Variants in SPAG16 observed in about 807,000 individuals in gnomAD.
SPAG16 encodes the protein sperm-associated antigen 16 protein.
In SPAG16, 86 loss-of-function variants were observed where a neutral mutation model predicts 80.4. The observed-to-expected ratio is 1.07, with a 90% confidence interval of 0.90 to 1.28. The LOEUF is 1.28. Among genes scored for constraint, SPAG16 ranks in the 50% most tolerant of loss-of-function variants. SPAG16 has a pLI of 0.00. For synonymous variants in SPAG16, 294 were observed against 265.9 expected (o/e 1.11, Z -1.03); for missense variants, 870 against 765.3 (o/e 1.14, Z -1.61).
chr2:214,298,178 A>G (rs1413108576), intron 15 of SPAG16, among the ~76,000 whole-genome samples: 1 of 150,102 alleles, frequency 6.7e-6, no homozygotes, highest in Non-Finnish European at 1.5e-5. Context: ...ACACACACAT[A>G]TATATATATT....
chr2:214,364,156 A>G (rs1699339431), intron 15 of SPAG16, among the ~76,000 whole-genome samples: 1 of 152,114 alleles, frequency 6.6e-6, no homozygotes, highest in Non-Finnish European at 1.5e-5. Flanking sequence ...TTCTATTACA[A>G]CATGACTTGT....
intron 15 of SPAG16, among the ~76,000 whole-genome samples, chr2:214,310,568 T>C (rs2125977533): frequency 1.3e-5 from 2 of 152,272 alleles, no homozygotes; most frequent in East Asian, 3.9e-4. Flanking sequence ...AGATGATGTG[T>C]GGAAGCACCT....
In SPAG16 at chr2:213,709,766, G is replaced by C. The variant is rs555661809; in HGVS notation, c.1071-152719G>C. Among the ~76,000 whole-genome samples the C allele has an allele frequency of 4.6e-5, 7 of 152,210 alleles. No homozygotes were observed. The East Asian group carries it at 1.4e-3, about 29-fold the overall frequency. On this transcript the variant is annotated intron_variant, in intron 10 of 15. Coordinates refer to ENST00000331683, the MANE Select transcript of SPAG16 (RefSeq NM_024532.5). ...CAGTCCCTCTTAAAGAGATAGAGTG[G>C]TGACACACACTTCCTTCAAAGGCTG...
chr2:214,407,602 A>G (rs1186106750), intron 15 of SPAG16, among the ~76,000 whole-genome samples: 1 of 152,138 alleles, frequency 6.6e-6, no homozygotes, highest in East Asian at 1.9e-4. Flanking sequence ...GCCAATCACC[A>G]GGAGATTTAA....
rs115687795 is a variant in SPAG16, at chr2:213,300,926, C to A, written c.279+3569C>A. Reference sequence around the variant, plus strand: ...TGTTAAGAATTAATATAAAAAAGTTCTCTTGCTATTATGTTAATATACCAA... The same window carrying A: ...TGTTAAGAATTAATATAAAAAAGTTATCTTGCTATTATGTTAATATACCAA... On this transcript the variant is annotated intron_variant, in intron 3 of 15. Coordinates refer to ENST00000331683, the MANE Select transcript of SPAG16 (RefSeq NM_024532.5). 5.6e-3 allele frequency among the ~76,000 whole-genome samples: 853 copies of A among 152,054 alleles called. 4 individuals carry two copies. Among genetic ancestry groups the A allele is most frequent in the Non-Finnish European group, 9.7e-3 (660 of 67,934 alleles).
chr2:213,838,367 T>G (rs1179768510), intron 10 of SPAG16, among the ~76,000 whole-genome samples: 1 of 152,148 alleles, frequency 6.6e-6, no homozygotes, highest in Non-Finnish European at 1.5e-5. Context: ...GAGACAGGGT[T>G]TCACCATGTT....
chr2:214,163,627 C>CAT (rs745565184), intron 15 of SPAG16, among the ~76,000 whole-genome samples: 1,331 of 109,500 alleles, frequency 0.012, 11 homozygotes, highest in Admixed American at 0.018. Flanking sequence ...CACATATATA[C>CAT]ATATATATAT....
chr2:214,257,404 T>C (rs1038173960), intron 15 of SPAG16, among the ~76,000 whole-genome samples: 7 of 152,010 alleles, frequency 4.6e-5, no homozygotes, highest in Non-Finnish European at 7.4e-5. Flanking sequence ...AGACCTCCAG[T>C]AAAATGTTGA....
chr2:214,090,453 G>A (rs1311339884), intron 13 of SPAG16, among the ~76,000 whole-genome samples: 1 of 151,730 alleles, frequency 6.6e-6, no homozygotes, highest in Admixed American at 6.6e-5. Context: ...TTCACTGTAT[G>A]TCATTAATAC....
intron 5 of SPAG16, among the ~76,000 whole-genome samples, chr2:213,326,184 A>G (rs1350747482): frequency 2.0e-5 from 3 of 152,166 alleles, no homozygotes; most frequent in East Asian, 1.9e-4. Flanking sequence ...CTGCCATTTA[A>G]AAAATAATGA....
chr2:213,408,235 G>A (rs2125380539), intron 9 of SPAG16, among the ~76,000 whole-genome samples: 1 of 152,308 alleles, frequency 6.6e-6, no homozygotes, highest in East Asian at 1.9e-4. Flanking sequence ...ATACCACCTT[G>A]TTGTAAGTGT....
chr2:213,667,180 G>A (rs2063639207), intron 10 of SPAG16, among the ~76,000 whole-genome samples: 1 of 152,184 alleles, frequency 6.6e-6, no homozygotes, highest in South Asian at 2.1e-4. Context: ...AATATTGTTT[G>A]TATCAGTCAC....
At chr2:213,862,264 C>G (rs150289781) in intron 10 of SPAG16, among the ~76,000 whole-genome samples, 1 of 152,036 alleles carries the variant, frequency 6.6e-6, no homozygotes, top group Non-Finnish European at 1.5e-5. Flanking sequence ...ATGAGGAATC[C>G]GAGATCCAGT....
chr2:214,265,394 G>T (rs1224775816), intron 15 of SPAG16, among the ~76,000 whole-genome samples: 1 of 152,044 alleles, frequency 6.6e-6, no homozygotes, highest in Admixed American at 6.6e-5. Flanking sequence ...TTTGCCATCT[G>T]TGTATCTTCT....
chr2:214,162,077 A>G lies in SPAG16; in HGVS notation c.1720+12811A>G, dbSNP rs185531053. ...AGTGTTATCAGTCCATTTTTCCTGC[A>G]ATAACAAAGAAACCCAGGATCTTCC... is the stretch of plus-strand genomic sequence containing the variant. On this transcript the variant is annotated intron_variant, in intron 15 of 15. Coordinates refer to ENST00000331683, the MANE Select transcript of SPAG16 (RefSeq NM_024532.5). Among the ~76,000 whole-genome samples the G allele has an allele frequency of 7.9e-5, 12 of 152,196 alleles. No homozygotes were observed. The East Asian group carries it at 2.3e-3, about 30-fold the overall frequency.
intron 1 of SPAG16, among the ~76,000 whole-genome samples, chr2:213,292,855 C>A (rs569800872): frequency 1.8e-4 from 28 of 152,006 alleles, no homozygotes; most frequent in Admixed American, 3.3e-4. Context: ...GAAATGACAA[C>A]AAACACTTGT....
intron 10 of SPAG16, among the ~76,000 whole-genome samples, chr2:213,714,746 G>A (rs1014019061): frequency 1.3e-5 from 2 of 152,084 alleles, no homozygotes; most frequent in Admixed American, 1.3e-4. Context: ...GAAAACTGAG[G>A]CACACAGTTA....
At chr2:214,307,322 A>T (rs370365209) in intron 15 of SPAG16, among the ~76,000 whole-genome samples, 7 of 150,620 alleles carry the variant, frequency 4.6e-5, no homozygotes, top group Non-Finnish European at 7.4e-5. Flanking sequence ...TATTTTATTA[A>T]TTTTTTCCAA....
chr2:213,736,372 T>C (rs1205649936), intron 10 of SPAG16, among the ~76,000 whole-genome samples: 1 of 151,564 alleles, frequency 6.6e-6, no homozygotes, highest in African/African-American at 2.4e-5. Context: ...CGGCTCACTG[T>C]AAACTTCACC....
Sources: gnomAD v4.1 joint callset for allele counts (sites outside exome capture counted in the v4.1 genomes callset) on GRCh38, gnomAD v4.1.1 for gene constraint, MANE v1.5 for transcripts, NCBI Gene and HGNC (gene_info 2026-07-23, HGNC 2026-07-21) for gene names.